Variants in ADGRB3 observed in about 807,000 individuals in gnomAD.
ADGRB3 encodes the protein adhesion G protein-coupled receptor B3.
ADGRB3 carries 37 observed loss-of-function variants against 193.4 expected under a neutral mutation model. The observed-to-expected ratio is 0.19, with a 90% CI of 0.15 to 0.25. The LOEUF (loss-of-function observed/expected upper bound fraction) is 0.25, where lower values mean the gene tolerates loss of function less well. Among genes scored for constraint, ADGRB3 ranks in the 10% least tolerant of loss-of-function variants. The pLI, the probability that ADGRB3 is intolerant of heterozygous loss-of-function variation, is 1.00. For synonymous variants in ADGRB3, 690 were observed against 644.2 expected (o/e 1.07, Z -1.08); for missense variants, 1,637 against 1,852.9 (o/e 0.88, Z 2.14).
At chr6:69,100,451 G>T (rs189666909) in intron 17 of ADGRB3, among the ~76,000 whole-genome samples, 82 of 152,230 alleles carry the variant, frequency 5.4e-4, no homozygotes, top group African/African-American at 1.9e-3. Flanking sequence ...GAGAGACAGA[G>T]ATAAAAAGAG....
chr6:69,297,370 C>CTCTCTCTCTA, intron 20 of ADGRB3, among the ~76,000 whole-genome samples: 2 of 103,882 alleles, frequency 1.9e-5, no homozygotes, highest in Admixed American at 9.9e-5. Context: ...CTCTCTCTTT[C>CTCTCTCTCTA]TCTCTCTCTC....
intron 3 of ADGRB3, among the ~76,000 whole-genome samples, chr6:68,713,158 T>C (rs1353172784): frequency 1.3e-5 from 2 of 151,928 alleles, no homozygotes; most frequent in Non-Finnish European, 2.9e-5. Flanking sequence ...TATGGTGTCA[T>C]CAACAATAAC....
chr6:69,182,855 A>C (rs1561944939), intron 17 of ADGRB3, among the ~76,000 whole-genome samples: 1 of 152,036 alleles, frequency 6.6e-6, no homozygotes, highest in Non-Finnish European at 1.5e-5. Context: ...ACAATAAAAA[A>C]CTGGGGAGAG....
At chr6:69,287,214 T>G (rs149146340) in intron 20 of ADGRB3, among the ~76,000 whole-genome samples, 153 of 152,294 alleles carry the variant, frequency 1.0e-3, no homozygotes, top group African/African-American at 3.4e-3. Flanking sequence ...TTATGCCACT[T>G]GTGTTCAATT....
intron 24 of ADGRB3, among the ~76,000 whole-genome samples, chr6:69,334,869 A>G (rs1319160570): frequency 6.6e-6 from 1 of 152,176 alleles, no homozygotes; most frequent in Non-Finnish European, 1.5e-5. Flanking sequence ...CAGTCTCCTC[A>G]TCTGTTAAAT....
intron 20 of ADGRB3, among the ~76,000 whole-genome samples, chr6:69,310,414 T>G (rs1768166170): frequency 6.6e-6 from 1 of 151,782 alleles, no homozygotes; most frequent in Non-Finnish European, 1.5e-5. Flanking sequence ...AAAATGGTGT[T>G]TGACTTACTT....
intron 26 of ADGRB3, among the ~76,000 whole-genome samples, chr6:69,353,671 A>G (rs1238620159): frequency 6.6e-6 from 1 of 152,248 alleles, no homozygotes. Flanking sequence ...AGCTATTTTG[A>G]TAGCTAAGGA....
chr6:69,273,375 G>A (rs1767224360), intron 20 of ADGRB3, among the ~76,000 whole-genome samples: 1 of 152,072 alleles, frequency 6.6e-6, no homozygotes, highest in African/African-American at 2.4e-5. Context: ...TGATTTTATT[G>A]GCCACACACA....
intron 30 of ADGRB3, among the ~76,000 whole-genome samples, chr6:69,374,217 C>T (rs1429344258): frequency 6.6e-6 from 1 of 152,034 alleles, no homozygotes; most frequent in African/African-American, 2.4e-5. Context: ...TTCCCTTAGT[C>T]TCATGTGCTA....
At chr6:69,362,556 G>C (rs1239547860) in intron 29 of ADGRB3, among the ~76,000 whole-genome samples, 1 of 151,914 alleles carries the variant, frequency 6.6e-6, no homozygotes, top group Non-Finnish European at 1.5e-5. Flanking sequence ...TTTCCCAATT[G>C]ATTGAGAAAA....
intron 6 of ADGRB3, 86 bp downstream of exon 6, chr6:68,944,080 C>A (rs1358752911): frequency 7.3e-7 from 1 of 1,371,940 alleles, no homozygotes; most frequent in Non-Finnish European, 9.9e-7. Flanking sequence ...AAGAGTACAA[C>A]CTTCATTCAG....
Position 69,356,640 on chromosome 6 carries a change from G to A in ADGRB3, c.3595+780G>A, listed in dbSNP as rs535867831. 5.3e-5 allele frequency among the ~76,000 whole-genome samples: 8 copies of A among 152,230 alleles called. No homozygotes were observed. In the South Asian group the frequency reaches 1.7e-3, roughly 32 times the overall value. On this transcript the variant is annotated intron_variant, in intron 28 of 31. Coordinates refer to ENST00000370598, the MANE Select transcript of ADGRB3 (RefSeq NM_001704.3). ...CCAAGTAATGGTTGTTGGGTGTAAG[G>A]CCAGTCAATTTAACCTTTCTGTGCC...
intron 17 of ADGRB3, among the ~76,000 whole-genome samples, chr6:69,174,751 A>G (rs1582519389): frequency 6.6e-6 from 1 of 152,168 alleles, no homozygotes; most frequent in Admixed American, 6.6e-5. Context: ...TCTTTTCTCC[A>G]TAGACTCACC....
chr6:68,984,774 C>A (rs60944895), intron 10 of ADGRB3, among the ~76,000 whole-genome samples: 36,407 of 151,934 alleles, frequency 0.24, 4,646 homozygotes, highest in Middle Eastern at 0.41. Context: ...TCAAAAAATT[C>A]ACTTTGGTAG....
chr6:68,643,290 T>C (rs1453645309), intron 3 of ADGRB3, among the ~76,000 whole-genome samples: 1 of 152,184 alleles, frequency 6.6e-6, no homozygotes, highest in African/African-American at 2.4e-5. Flanking sequence ...TGTGTATGTG[T>C]TGTCATTTTT....
chr6:68,848,392 A>G (rs1358896331), intron 3 of ADGRB3, among the ~76,000 whole-genome samples: 4 of 152,052 alleles, frequency 2.6e-5, no homozygotes, highest in Admixed American at 6.6e-5. Context: ...AAGAAATGCT[A>G]ACTAAGAAAC....
At chr6:68,773,973 TTAAC>T (rs1186671164) in intron 3 of ADGRB3, among the ~76,000 whole-genome samples, 2 of 152,070 alleles carry the variant, frequency 1.3e-5, no homozygotes, top group African/African-American at 4.8e-5. Flanking sequence ...TGTCCATGTA[TTAAC>T]TAAGAGGAGA....
intron 3 of ADGRB3, among the ~76,000 whole-genome samples, chr6:68,652,852 C>T (rs1443705161): frequency 2.0e-5 from 3 of 151,862 alleles, no homozygotes; most frequent in East Asian, 3.9e-4. Context: ...TATCCTTAAC[C>T]GAAGACATGT....
chr6:68,657,464 A>G (rs976139735), intron 3 of ADGRB3, among the ~76,000 whole-genome samples: 1 of 151,430 alleles, frequency 6.6e-6, no homozygotes, highest in African/African-American at 2.4e-5. Context: ...CAGAGCTTCA[A>G]AATTTTATGC....
Sources: allele counts gnomAD v4.1 joint callset (sites outside exome capture counted in the v4.1 genomes callset), GRCh38; gene constraint gnomAD v4.1.1; transcripts MANE v1.5; gene names NCBI Gene and HGNC (gene_info 2026-07-23, HGNC 2026-07-21).